RAB18: variants seen among roughly 807,000 people sequenced by gnomAD.
RAB18 encodes RAB18, member RAS oncogene family.
RAB18 carries 10 observed loss-of-function variants against 28.5 expected under a neutral mutation model. The ratio of observed to expected loss-of-function variants is 0.35; its 90% CI spans 0.22 to 0.60. The LOEUF is 0.60. RAB18 is among the 20% of genes least tolerant of loss of function. The probability of loss-of-function intolerance (pLI) is 0.78; values close to 1 mark genes in which losing one functional copy is unlikely to be tolerated. For synonymous variants in RAB18, 93 were observed against 86.9 expected (o/e 1.07, Z -0.39); for missense variants, 188 against 244.2 (o/e 0.77, Z 1.53).
chr10:27,540,022 A>C lies in RAB18; in HGVS notation c.*1971A>C. ...AGGCACCTAGTAACAGGGTTTTGTT[A>C]ATTCTTTTCAGAATCATTGAAGCAG... is the stretch of plus-strand genomic sequence containing the variant. On this transcript the variant is annotated 3_prime_UTR_variant, in exon 7 of 7. Transcript: ENST00000356940. 1 of 454,028 alleles carries C rather than the reference A, an allele frequency of 2.2e-6. No individual in the cohort carries two copies. Among genetic ancestry groups the C allele is most frequent in the Non-Finnish European group, 4.4e-6 (1 of 226,738 alleles). The allele number at this position is 454,028 out of a possible 1,614,324, so 28.1% of individuals were successfully genotyped here.
chr10:27,525,570 T>C (rs1834655189), intron 2 of RAB18, among the ~76,000 whole-genome samples: 1 of 152,204 alleles, frequency 6.6e-6, no homozygotes, highest in Non-Finnish European at 1.5e-5. Context: ...GATTTTTTGT[T>C]TGTTTGGCTG....
chr10:27,509,861 A>G lies in RAB18; in HGVS notation c.69-14A>G, dbSNP rs1243146533. On this transcript the variant is annotated splice_polypyrimidine_tract_variant and intron_variant, in intron 1 of 6. Coordinates refer to ENST00000356940, the MANE Select transcript of RAB18 (RefSeq NM_021252.5). The stretch of plus-strand genomic sequence containing the variant: ...ATTCAAGTTCCCAACCTGTCTTTTT[A>G]ATATCTCTTTCAGCCTGCTCTTGAG... 3 of 1,607,574 alleles carry G rather than the reference A, an allele frequency of 1.9e-6. No homozygotes were observed. Among genetic ancestry groups the G allele is most frequent in the Non-Finnish European group, 1.7e-6 (2 of 1,174,810 alleles).
intron 2 of RAB18, among the ~76,000 whole-genome samples, chr10:27,512,135 C>T (rs1834337189): frequency 6.6e-6 from 1 of 151,876 alleles, no homozygotes; most frequent in African/African-American, 2.4e-5. Context: ...CATATGAACT[C>T]ATGGTGCCTC....
rs1266530288 is a variant in RAB18, at chr10:27,540,609, A to T, written c.*2558A>T. ...TGGAGTAGGTGGTCTTATTTCTTTC[A>T]CCTGCTCAGAGTGGACTGAAAATCC... On this transcript the variant is annotated 3_prime_UTR_variant, in exon 7 of 7. Coordinates refer to ENST00000356940, the MANE Select transcript of RAB18 (RefSeq NM_021252.5). 1 of 454,084 alleles carries T rather than the reference A, an allele frequency of 2.2e-6. No individual in the cohort carries two copies. The highest frequency in any genetic ancestry group is 1.6e-5 in the South Asian group (1 of 64,476). The allele number at this position is 454,084 out of a possible 1,614,324, so 28.1% of individuals were successfully genotyped here. A position where few individuals can be genotyped will look rare whatever the true frequency, so the allele number is the denominator to read the frequency against.
At position 27,504,942 on chromosome 10, in the gene RAB18, G is replaced by A. The variant is rs186927886; in HGVS notation, c.68+505G>A. 917 of 531,508 alleles carry A rather than the reference G, an allele frequency of 1.7e-3. 9 individuals carry two copies. Among genetic ancestry groups the A allele is most frequent in the African/African-American group, 0.016 (840 of 51,888 alleles). 32.9% of individuals were successfully genotyped at this position (531,508 alleles called of 1,614,324 possible). A position where few individuals can be genotyped will look rare whatever the true frequency, so the allele number is the denominator to read the frequency against. ...TAGGTCCCATTCCTGGCCTGTTTGG[G>A]CGCAGCTTAATGTCGATTCTTTTAC... On this transcript the variant is annotated intron_variant, in intron 1 of 6. Coordinates refer to ENST00000356940, the MANE Select transcript of RAB18 (RefSeq NM_021252.5).
At chr10:27,518,752 C>T (rs376647246) in intron 2 of RAB18, among the ~76,000 whole-genome samples, 1 of 151,964 alleles carries the variant, frequency 6.6e-6, no homozygotes, top group Non-Finnish European at 1.5e-5. Flanking sequence ...ATATTTCTAA[C>T]AGCATATGTT....
chr10:27,528,045 A>G (rs34231745), intron 3 of RAB18, among the ~76,000 whole-genome samples: 19 of 152,122 alleles, frequency 1.2e-4, no homozygotes, highest in Non-Finnish European at 2.2e-4. Flanking sequence ...GTTGAACGAT[A>G]TAAGAATGTT....
chr10:27,531,861 CT>C (rs1172693656), intron 3 of RAB18, among the ~76,000 whole-genome samples: 1 of 151,498 alleles, frequency 6.6e-6, no homozygotes, highest in Non-Finnish European at 1.5e-5. Context: ...AATGGTTAAA[CT>C]GGTGATTAAA....
chr10:27,507,635 A>T (rs1282155911), intron 1 of RAB18, among the ~76,000 whole-genome samples: 1 of 150,880 alleles, frequency 6.6e-6, no homozygotes, highest in Non-Finnish European at 1.5e-5. Flanking sequence ...AAATTTGGTC[A>T]CATCTAAGTG....
At chr10:27,519,970 C>A (rs1039498751) in intron 2 of RAB18, among the ~76,000 whole-genome samples, 1 of 152,108 alleles carries the variant, frequency 6.6e-6, no homozygotes, top group African/African-American at 2.4e-5. Context: ...CCTTCTATTC[C>A]TAGTTTGTTG....
At chr10:27,534,124 C>A in intron 6 of RAB18, 130 bp downstream of exon 6, 4 of 815,432 alleles carry the variant, frequency 4.9e-6, no homozygotes, top group South Asian at 2.9e-5. Context: ...CCTTGTGTTA[C>A]AAAATCTAAC....
intron 2 of RAB18, among the ~76,000 whole-genome samples, chr10:27,522,821 G>A (rs1269356734): frequency 6.6e-6 from 1 of 151,892 alleles, no homozygotes; most frequent in East Asian, 1.9e-4. Context: ...ATAACATTCT[G>A]TCATTCCTTT....
At chr10:27,535,062 T>C (rs1240975239) in intron 6 of RAB18, among the ~76,000 whole-genome samples, 6 of 152,062 alleles carry the variant, frequency 3.9e-5, no homozygotes, top group Non-Finnish European at 1.5e-5. Context: ...AAATAAAACA[T>C]TATAAGGGGA....
chr10:27,532,696 C>T, intron 4 of RAB18, 117 bp downstream of exon 4: 1 of 750,050 alleles, frequency 1.3e-6, no homozygotes, highest in Non-Finnish European at 2.2e-6. Flanking sequence ...TTTTATGTAA[C>T]TTGTAGTTGT....
At chr10:27,508,273 C>T (rs1006247808) in intron 1 of RAB18, among the ~76,000 whole-genome samples, 2 of 152,166 alleles carry the variant, frequency 1.3e-5, no homozygotes, top group Non-Finnish European at 2.9e-5. Context: ...CCCTGCCTCT[C>T]CTTACAAAGT....
intron 3 of RAB18, chr10:27,531,431 G>A (rs1012178748): frequency 1.0e-5 from 15 of 1,433,364 alleles, no homozygotes; most frequent in African/African-American, 4.3e-5. Context: ...ATATCTGGGG[G>A]AGCTTCTGCT....
At position 27,540,129 on chromosome 10, in the gene RAB18, C is replaced by A. The variant is rs1402937418; in HGVS notation, c.*2078C>A. On this transcript the variant is annotated 3_prime_UTR_variant, in exon 7 of 7. Coordinates refer to ENST00000356940, the MANE Select transcript of RAB18 (RefSeq NM_021252.5). ...GAGTTCTAGTAGTACTGAGATTGAC[C>A]CAAACAAATAAAAAACTATTCAATT... 4.4e-6 allele frequency: 2 copies of A among 453,726 alleles called. No individual in the cohort carries two copies. The highest frequency in any genetic ancestry group is 4.7e-5 in the Admixed American group (2 of 42,532). 28.1% of individuals were successfully genotyped at this position (453,726 alleles called of 1,614,324 possible). A position where few individuals can be genotyped will look rare whatever the true frequency, so the allele number is the denominator to read the frequency against.
intron 3 of RAB18, among the ~76,000 whole-genome samples, chr10:27,530,365 C>T (rs1834761925): frequency 6.6e-6 from 1 of 151,454 alleles, no homozygotes; most frequent in South Asian, 2.1e-4. Context: ...TTTCCAAATT[C>T]AGTAATTCAC....
chr10:27,513,205 T>C (rs111462276), intron 2 of RAB18, among the ~76,000 whole-genome samples: 20 of 151,878 alleles, frequency 1.3e-4, no homozygotes, highest in African/African-American at 4.8e-4. Context: ...TTGCTAATTT[T>C]TATGTTTTTA....
Sources: gnomAD v4.1 joint callset for allele counts (sites outside exome capture counted in the v4.1 genomes callset) on GRCh38, gnomAD v4.1.1 for gene constraint, MANE v1.5 for transcripts, NCBI Gene and HGNC (gene_info 2026-07-23, HGNC 2026-07-21) for gene names.